MYO16: variants seen among roughly 807,000 people sequenced by gnomAD.
MYO16 encodes the protein unconventional myosin-XVI.
MYO16 carries 94 observed loss-of-function variants against 205.3 expected under a neutral mutation model. The observed-to-expected ratio is 0.46, with a 90% CI of 0.39 to 0.54. MYO16 has a LOEUF of 0.54. Among genes scored for constraint, MYO16 ranks in the 20% least tolerant of loss-of-function variants. The probability of loss-of-function intolerance (pLI) is 0.00; values close to 1 mark genes in which losing one functional copy is unlikely to be tolerated. For synonymous variants in MYO16, 988 were observed against 954.0 expected (o/e 1.04, Z -0.66); for missense variants, 2,315 against 2,387.5 (o/e 0.97, Z 0.63).
At chr13:108,844,203 A>AT (rs1212627754) in intron 9 of MYO16, 140 bp from the exon 10 acceptor site, 6 of 572,852 alleles carry the variant, frequency 1.0e-5, no homozygotes, top group African/African-American at 5.7e-5. Flanking sequence ...TTTCTTACTA[A>AT]TTTTTTTCCT....
chr13:109,104,659 G>A (rs533859246), intron 28 of MYO16, among the ~76,000 whole-genome samples: 2 of 152,300 alleles, frequency 1.3e-5, no homozygotes, highest in South Asian at 2.1e-4. Flanking sequence ...CCAGAGGAAA[G>A]GACAGGGGTG....
chr13:108,820,025 GTAAC>G lies in MYO16; in HGVS notation c.868-309_868-306del, dbSNP rs576718421. Among the ~76,000 whole-genome samples, 137 of 152,208 alleles carry G rather than the reference GTAAC, an allele frequency of 9.0e-4. 1 individual carries two copies. The highest frequency in any genetic ancestry group is 3.1e-3 in the African/African-American group (130 of 41,516). On this transcript the variant is annotated intron_variant, in intron 7 of 34. Coordinates refer to ENST00000457511, the MANE Select transcript of MYO16 (RefSeq NM_001198950.3). ...CTTTAAAATACATTTTTACTGTTAT[GTAAC>G]TAGTTTCTCATCCTAAAAATACGTA...
At chr13:108,535,609 G>A in the MYO16 span, among the ~76,000 whole-genome samples, 2 of 152,232 alleles carry the variant, frequency 1.3e-5, no homozygotes, top group Middle Eastern at 3.4e-3. Context: ...TCCCTGTTAG[G>A]GAATCTGTGG....
intron 14 of MYO16, among the ~76,000 whole-genome samples, chr13:108,897,528 G>T (rs761566801): frequency 6.6e-6 from 1 of 152,138 alleles, no homozygotes; most frequent in Non-Finnish European, 1.5e-5. Context: ...TGGGGGTCAG[G>T]GTTGAAAAAG....
chr13:108,553,925 C>T, the MYO16 span, among the ~76,000 whole-genome samples: 1 of 152,152 alleles, frequency 6.6e-6, no homozygotes, highest in Non-Finnish European at 1.5e-5. Context: ...GTGTTGGAAG[C>T]ATGTGCCTGT....
chr13:108,496,608 G>C, the MYO16 span, among the ~76,000 whole-genome samples: 1 of 152,184 alleles, frequency 6.6e-6, no homozygotes, highest in East Asian at 1.9e-4. Flanking sequence ...CCACTAGGCC[G>C]GTGGAAGTGC....
At chr13:108,931,781 G>C (rs963773159) in intron 16 of MYO16, among the ~76,000 whole-genome samples, 12 of 152,114 alleles carry the variant, frequency 7.9e-5, no homozygotes, top group South Asian at 2.1e-4. Context: ...TTTACCACAG[G>C]AACCCCAGAT....
chr13:109,173,949 G>GGA (rs1566548351), intron 33 of MYO16, among the ~76,000 whole-genome samples: 2 of 131,112 alleles, frequency 1.5e-5, no homozygotes, highest in South Asian at 2.8e-4. Context: ...TGTTTTGATG[G>GGA]GGGGGGGTAC....
chr13:108,968,860 A>G (rs1883901871), intron 20 of MYO16, among the ~76,000 whole-genome samples: 2 of 152,206 alleles, frequency 1.3e-5, no homozygotes, highest in Admixed American at 1.3e-4. Flanking sequence ...GAACGCAGGA[A>G]GACTGCCCTG....
intron 15 of MYO16, among the ~76,000 whole-genome samples, chr13:108,907,458 C>T (rs546513780): frequency 8.6e-4 from 131 of 152,274 alleles, no homozygotes; most frequent in African/African-American, 3.0e-3. Context: ...TGTATGAACA[C>T]TTACATGAAT....
In MYO16 at chr13:109,140,940, G is replaced by C. The variant is rs772605283; in HGVS notation, c.4728G>C (p.Ala1576=). The change falls in exon 32 of 35, where the codon GCG becomes GCC. Residue 1576 remains alanine, a synonymous_variant. Coordinates refer to ENST00000457511, the MANE Select transcript of MYO16 (RefSeq NM_001198950.3). The surrounding 1 kb of genome is among the most constrained non-coding windows in gnomAD (Gnocchi z 8.0). ...AGAAGGGCGACGGCGACAGGCCCGC[G>C]TCCCCCGGCCTGGCGCTGTTCAACG... ...KSQKGDGDRP[A]SPGLALFNGS... is the part of the protein sequence containing the mutation. 4 of 1,553,338 alleles carry C rather than the reference G, an allele frequency of 2.6e-6. No homozygotes were observed. Among genetic ancestry groups the C allele is most frequent in the African/African-American group, 1.4e-5 (1 of 70,230 alleles).
chr13:108,953,212 A>G (rs140384404), intron 16 of MYO16, among the ~76,000 whole-genome samples: 21 of 152,302 alleles, frequency 1.4e-4, no homozygotes, highest in Admixed American at 1.4e-3. Flanking sequence ...CCTTTTACCT[A>G]TTTGTTACTT....
intron 4 of MYO16, among the ~76,000 whole-genome samples, chr13:108,778,141 A>C (rs1392813092): frequency 6.6e-6 from 1 of 152,220 alleles, no homozygotes; most frequent in African/African-American, 2.4e-5. Flanking sequence ...CTAGGCATGA[A>C]TCTAGCAGAA....
chr13:108,718,444 C>T (rs1345033659), intron 3 of MYO16, among the ~76,000 whole-genome samples: 1 of 151,570 alleles, frequency 6.6e-6, no homozygotes, highest in South Asian at 2.1e-4. Context: ...CACGGGGCCC[C>T]CACTCCACAT....
chr13:108,793,305 AC>A (rs1237146866), intron 5 of MYO16, among the ~76,000 whole-genome samples: 125 of 149,478 alleles, frequency 8.4e-4, no homozygotes, highest in African/African-American at 3.0e-3. Context: ...AAAAAAAAAA[AC>A]ATAACAAGAG....
chr13:108,964,619 T>A (rs1485980058), intron 19 of MYO16, 142 bp from the exon 20 acceptor site: 1 of 879,434 alleles, frequency 1.1e-6, no homozygotes, highest in Non-Finnish European at 1.7e-6. Flanking sequence ...GACGGAGACC[T>A]CATTTATGAG....
the MYO16 span, among the ~76,000 whole-genome samples, chr13:108,545,842 C>T: frequency 6.6e-6 from 1 of 152,120 alleles, no homozygotes; most frequent in Non-Finnish European, 1.5e-5. Flanking sequence ...GGCTTAGTTT[C>T]TGCTTTTAAT....
intron 15 of MYO16, among the ~76,000 whole-genome samples, chr13:108,904,153 G>T (rs1201799326): frequency 1.3e-5 from 2 of 152,122 alleles, no homozygotes; most frequent in East Asian, 3.8e-4. Flanking sequence ...AACATGAGCT[G>T]TATATAAGTA....
chr13:108,800,811 A>G (rs1886947362), intron 6 of MYO16, among the ~76,000 whole-genome samples: 1 of 152,192 alleles, frequency 6.6e-6, no homozygotes, highest in African/African-American at 2.4e-5. Flanking sequence ...GAACAGATCC[A>G]GTGGGAATAT....
Sources: allele counts gnomAD v4.1 joint callset (sites outside exome capture counted in the v4.1 genomes callset), GRCh38; gene constraint gnomAD v4.1.1; non-coding constraint Gnocchi (gnomAD v3.1); transcripts MANE v1.5; gene names NCBI Gene and HGNC (gene_info 2026-07-23, HGNC 2026-07-21).